RBM43: variants seen among roughly 807,000 people sequenced by gnomAD.
The protein encoded by RBM43 is RNA-binding protein 43.
A neutral mutation model predicts 12.4 loss-of-function variants in RBM43; 12 were observed. The ratio of observed to expected loss-of-function variants is 0.97; its 90% CI spans 0.62 to 1.57. The LOEUF is 1.57. Among genes scored for constraint, RBM43 ranks in the 40% most tolerant of loss-of-function variants. RBM43 has a pLI of 0.00. For missense variants in RBM43, 348 were observed against 400.1 expected (o/e 0.87, Z 1.11); for synonymous variants, 138 against 145.7 (o/e 0.95, Z 0.38).
intron 1 of RBM43, among the ~76,000 whole-genome samples, chr2:151,258,906 G>A (rs1040700466): frequency 6.6e-6 from 1 of 152,130 alleles, no homozygotes; most frequent in Non-Finnish European, 1.5e-5. Context: ...ACTTTGGGAG[G>A]ATGAGGCGGG....
chr2:151,251,565 A>C lies in RBM43; in HGVS notation c.415T>G (p.Leu139Val), dbSNP rs780002753. 1 of 1,614,188 alleles carries C rather than the reference A, an allele frequency of 6.2e-7. No individual in the cohort carries two copies. The highest frequency in any genetic ancestry group is 8.5e-7 in the Non-Finnish European group (1 of 1,180,022). Residue 139 changes from leucine to valine, a missense_variant, in exon 4 of 4, where the codon TTA becomes GTA. Coordinates refer to ENST00000331426, the MANE Select transcript of RBM43 (RefSeq NM_198557.3). ...TTGGGTTTCAAAGGACTGAAGCTTAAACTCGGGATTTTTTTTTTCAGGTCT... is the reference window on the plus strand; with the variant it reads ...TTGGGTTTCAAAGGACTGAAGCTTACACTCGGGATTTTTTTTTTCAGGTCT... Reference protein sequence around the residue: ...VKDLKKKIPSLSFSPLKPNGR... With the variant: ...VKDLKKKIPSVSFSPLKPNGR...
At chr2:151,255,838 A>AAAG (rs751140706) in intron 1 of RBM43, 95 bp from the exon 2 acceptor site, 64 of 930,834 alleles carry the variant, frequency 6.9e-5, no homozygotes, top group Non-Finnish European at 1.0e-4. Context: ...CTTATTCTAT[A>AAAG]AAAGTGCCGG....
rs34911765 is a variant in RBM43, at chr2:151,250,598, CA to C, written c.*307del. 335 of 123,204 alleles carry C rather than the reference CA, an allele frequency of 2.7e-3. No individual in the cohort carries two copies. The highest frequency in any genetic ancestry group is 7.9e-3 in the South Asian group (29 of 3,660). 7.6% of individuals were successfully genotyped at this position (123,204 alleles called of 1,614,324 possible). A position where few individuals can be genotyped will look rare whatever the true frequency, so the allele number is the denominator to read the frequency against. On this transcript the variant is annotated 3_prime_UTR_variant, in exon 4 of 4. Transcript: ENST00000331426. ...TGGACAACAGAGCGAGACTCCATCT[CA>C]AAAAAAAAAAAAAAAAAGTTTGGTG...
chr2:151,261,353 T>C (rs764840089), intron 1 of RBM43: 1 of 1,550,602 alleles, frequency 6.4e-7, no homozygotes, highest in Non-Finnish European at 8.7e-7. Context: ...GGACAACAGT[T>C]AAGCCCTAAC....
At chr2:151,260,730 A>G (rs1423342607) in intron 1 of RBM43, among the ~76,000 whole-genome samples, 3 of 152,188 alleles carry the variant, frequency 2.0e-5, no homozygotes, top group Non-Finnish European at 4.4e-5. Context: ...ACTGAGGTCA[A>G]TTATGAATAA....
rs35240993 is a variant in RBM43 at position 151,261,824 on chromosome 2, G to GT, written c.-98dup. On this transcript the variant is annotated 5_prime_UTR_variant, in exon 1 of 4. Coordinates refer to ENST00000331426, the MANE Select transcript of RBM43 (RefSeq NM_198557.3). ...GAGCGAGCAGGCAGGTTTTGGTTTCGTTTTTTGTTCCAGCTCCCTTGGAGG... is the reference window on the plus strand; with the variant it reads ...GAGCGAGCAGGCAGGTTTTGGTTTCGTTTTTTTGTTCCAGCTCCCTTGGAGG... The GT allele has an allele frequency of 0.6, 837,460 of 1,395,738 alleles. 258,648 individuals carry two copies. The highest frequency in any genetic ancestry group is 0.87 in the African/African-American group (60,904 of 70,382). 86.5% of individuals were successfully genotyped at this position (1,395,738 alleles called of 1,614,324 possible).
At position 151,248,112 on chromosome 2, in the gene RBM43, G is replaced by A. The variant is rs1262289945; in HGVS notation, c.*2794C>T. On this transcript the variant is annotated 3_prime_UTR_variant, in exon 4 of 4. Transcript: ENST00000331426. ...TTATAAAGGCTGTAAATCAAATTTG[G>A]GATAAAGCAGTTTGAGTCACTCACC... The A allele has an allele frequency of 2.0e-5, 3 of 151,894 alleles. No homozygotes were observed. The highest frequency in any genetic ancestry group is 7.3e-5 in the African/African-American group (3 of 41,364). The allele number at this position is 151,894 out of a possible 1,614,324, so 9.4% of individuals were successfully genotyped here. A position where few individuals can be genotyped will look rare whatever the true frequency, so the allele number is the denominator to read the frequency against.
At chr2:151,261,177 G>C (rs1017390303) in intron 1 of RBM43, 1 of 1,442,000 alleles carries the variant, frequency 6.9e-7, no homozygotes, top group Non-Finnish European at 9.3e-7. Context: ...GATAAATTTT[G>C]AATTTGCTAA....
chr2:151,261,643 C>A, intron 1 of RBM43, 82 bp downstream of exon 1: 1 of 1,556,374 alleles, frequency 6.4e-7, no homozygotes, highest in Non-Finnish European at 8.7e-7. Context: ...CCGTCGCGCC[C>A]GGTTCCGCGC....
chr2:151,252,861 T>A lies in RBM43; in HGVS notation c.215-6A>T. 1.3e-6 allele frequency: 2 copies of A among 1,483,542 alleles called. No homozygotes were observed. Among genetic ancestry groups the A allele is most frequent in the Non-Finnish European group, 1.9e-6 (2 of 1,064,142 alleles). The allele number at this position is 1,483,542 out of a possible 1,614,324, so 91.9% of individuals were successfully genotyped here. ...TCTGATGACATTCTCTGCAACTAAG[T>A]GGAAACACTGGCATCAGAAGTGTTT... On this transcript the variant is annotated splice_polypyrimidine_tract_variant and splice_region_variant and intron_variant, in intron 2 of 3. Transcript: ENST00000331426.
chr2:151,261,447 C>T (rs1185909086), intron 1 of RBM43: 2 of 1,550,496 alleles, frequency 1.3e-6, no homozygotes, highest in African/African-American at 1.4e-5. Flanking sequence ...TAGTCCTGAG[C>T]CTCTGGAGCG....
rs746242773 is a variant in RBM43 at position 151,255,533 on chromosome 2, CT to C, written c.213del (p.Val72LeufsTer13). On this transcript the variant is annotated frameshift_variant and splice_region_variant, in exon 2 of 4. Coordinates refer to ENST00000331426, the MANE Select transcript of RBM43 (RefSeq NM_198557.3). LOFTEE classifies it high-confidence loss of function. ...GVAYVIFKEK[K>X]VAENVIRQKK... ...TTACAAAAATTTGACTTGGAAATACCTTTTTTTTCTTTGAATATTACATATG... is the reference window on the plus strand; with the variant it reads ...TTACAAAAATTTGACTTGGAAATACCTTTTTTTCTTTGAATATTACATATG... 3.8e-5 allele frequency: 61 copies of C among 1,586,238 alleles called. No individual in the cohort carries two copies. Among genetic ancestry groups the C allele is most frequent in the East Asian group, 1.1e-4 (5 of 44,548 alleles).
At chr2:151,260,355 T>A (rs139725811) in intron 1 of RBM43, among the ~76,000 whole-genome samples, 1,851 of 152,192 alleles carry the variant, frequency 0.012, 40 homozygotes, top group African/African-American at 0.041. Context: ...CCTCCCAAAG[T>A]GCTGGGATTA....
At chr2:151,253,603 G>A (rs1682934825) in intron 2 of RBM43, among the ~76,000 whole-genome samples, 1 of 152,126 alleles carries the variant, frequency 6.6e-6, no homozygotes, top group Admixed American at 6.6e-5. Flanking sequence ...CAAAGCCAAC[G>A]ATGAGTAGTA....
intron 1 of RBM43, chr2:151,261,457 G>A: frequency 6.4e-7 from 1 of 1,550,582 alleles, no homozygotes; most frequent in Non-Finnish European, 8.7e-7. Context: ...CCTCTGGAGC[G>A]GGCCTATACT....
intron 1 of RBM43, chr2:151,261,213 A>G (rs1252744537): frequency 1.3e-6 from 2 of 1,520,390 alleles, no homozygotes; most frequent in African/African-American, 1.4e-5. Flanking sequence ...CAAGGCAGAC[A>G]TAAGACATGA....
intron 2 of RBM43, among the ~76,000 whole-genome samples, chr2:151,254,933 G>A (rs55987936): frequency 2.6e-3 from 389 of 151,928 alleles, no homozygotes; most frequent in South Asian, 4.6e-3. Flanking sequence ...CCATTTTGTC[G>A]GTATTTTACA....
Position 151,255,543 on chromosome 2 carries a change from T to A in RBM43, c.204A>T (p.Lys68Asn). 1 of 1,598,776 alleles carries A rather than the reference T, an allele frequency of 6.3e-7. No individual in the cohort carries two copies. Among genetic ancestry groups the A allele is most frequent in the Non-Finnish European group, 8.5e-7 (1 of 1,171,706 alleles). ...RTKGVAYVIF[K>N]EKKVAENVIR... is the part of the protein sequence containing the mutation. ...TTGACTTGGAAATACCTTTTTTTTCTTTGAATATTACATATGCAACTCCCT... is the reference window on the plus strand; with the variant it reads ...TTGACTTGGAAATACCTTTTTTTTCATTGAATATTACATATGCAACTCCCT... The change falls in exon 2 of 4, where the codon AAA becomes AAT. Residue 68 changes from lysine to asparagine, a missense_variant. Coordinates refer to ENST00000331426, the MANE Select transcript of RBM43 (RefSeq NM_198557.3).
intron 1 of RBM43, chr2:151,261,390 C>G: frequency 6.4e-7 from 1 of 1,550,650 alleles, no homozygotes; most frequent in Non-Finnish European, 8.7e-7. Flanking sequence ...CCTCGACGAA[C>G]GGCGGCGTCC....
Sources: allele counts gnomAD v4.1 joint callset (sites outside exome capture counted in the v4.1 genomes callset), GRCh38; gene constraint gnomAD v4.1.1; transcripts MANE v1.5; gene names NCBI Gene and HGNC (gene_info 2026-07-23, HGNC 2026-07-21).